The following ATG10 variants were observed in gnomAD, a reference collection of about 807,000 sequenced individuals.
ATG10 encodes autophagy related 10.
ATG10 carries 30 observed loss-of-function variants against 32.1 expected under a neutral mutation model. The observed-to-expected ratio is 0.94, with a 90% confidence interval of 0.70 to 1.27. The LOEUF is 1.27. ATG10 is among the 50% of genes most tolerant of loss of function. The pLI is 0.00. For synonymous variants in ATG10, 87 were observed against 91.5 expected, an observed-to-expected ratio of 0.95 and a Z score of 0.28; for missense variants, 233 against 262.3, an observed-to-expected ratio of 0.89 and a Z score of 0.77.
At chr5:82,127,555 C>G (rs1342249049) in intron 3 of ATG10, among the ~76,000 whole-genome samples, 2 of 152,134 alleles carry the variant, frequency 1.3e-5, no homozygotes, top group Non-Finnish European at 2.9e-5. Context: ...AGTGGTCATT[C>G]AGGAGCAGGT....
At chr5:82,092,008 A>G (rs919755425) in intron 3 of ATG10, among the ~76,000 whole-genome samples, 2 of 152,194 alleles carry the variant, frequency 1.3e-5, no homozygotes, top group African/African-American at 2.4e-5. Flanking sequence ...ACATAGAAGA[A>G]TATTTATAAT....
chr5:82,231,750 A>G (rs1268190617), intron 5 of ATG10, among the ~76,000 whole-genome samples: 1 of 152,206 alleles, frequency 6.6e-6, no homozygotes, highest in Non-Finnish European at 1.5e-5. Context: ...GCTTAATGAA[A>G]TCACTGGGAA....
At chr5:82,225,385 GA>G (rs1189229093) in intron 5 of ATG10, among the ~76,000 whole-genome samples, 1 of 152,180 alleles carries the variant, frequency 6.6e-6, no homozygotes, top group African/African-American at 2.4e-5. Flanking sequence ...AGTCAGTAGA[GA>G]AAATGAACCT....
At chr5:82,122,015 G>A (rs1766063826) in intron 3 of ATG10, among the ~76,000 whole-genome samples, 1 of 150,246 alleles carries the variant, frequency 6.7e-6, no homozygotes, top group African/African-American at 2.5e-5. Context: ...GAATGAGTTG[G>A]GAGAGGAGTC....
At chr5:82,192,539 G>A (rs1486764074) in intron 5 of ATG10, among the ~76,000 whole-genome samples, 2 of 152,108 alleles carry the variant, frequency 1.3e-5, no homozygotes, top group African/African-American at 2.4e-5. Context: ...CAGTGTGACC[G>A]AGGACAGTTA....
At chr5:82,225,596 G>C (rs1746096572) in intron 5 of ATG10, among the ~76,000 whole-genome samples, 1 of 152,222 alleles carries the variant, frequency 6.6e-6, no homozygotes, top group South Asian at 2.1e-4. Context: ...TTATGTGACA[G>C]AGAATGTGGT....
intron 2 of ATG10, among the ~76,000 whole-genome samples, chr5:81,995,213 C>T (rs1183083524): frequency 2.0e-5 from 3 of 152,324 alleles, no homozygotes; most frequent in South Asian, 2.1e-4. Context: ...TCACTGCAAC[C>T]TCCGGCTCCC....
intron 3 of ATG10, among the ~76,000 whole-genome samples, chr5:82,130,195 C>G: frequency 6.6e-6 from 1 of 152,160 alleles, no homozygotes. Context: ...CCCCTGTCCC[C>G]ATGAAACTCG....
intron 5 of ATG10, among the ~76,000 whole-genome samples, chr5:82,207,098 T>C (rs1047757557): frequency 1.3e-5 from 2 of 152,188 alleles, no homozygotes; most frequent in Non-Finnish European, 2.9e-5. Flanking sequence ...CTGCCCCAGG[T>C]TTTGACTGTG....
chr5:82,065,407 A>G (rs1046227307), intron 3 of ATG10, among the ~76,000 whole-genome samples: 1 of 151,792 alleles, frequency 6.6e-6, no homozygotes, highest in East Asian at 1.9e-4. Context: ...GCTTGAACCC[A>G]GGAGGCGGAG....
Position 82,254,922 on chromosome 5 carries a change from A to T in ATG10, c.*859A>T, listed in dbSNP as rs4703878. ...TGAGTGTGTGTGTGTGTGTGTGTGTATGTGTGGGTGTTTGTGTAGATAGTT... is the reference window on the plus strand; with the variant it reads ...TGAGTGTGTGTGTGTGTGTGTGTGTTTGTGTGGGTGTTTGTGTAGATAGTT... On this transcript the variant is annotated 3_prime_UTR_variant, in exon 8 of 8. Coordinates refer to ENST00000282185, the MANE Select transcript of ATG10 (RefSeq NM_031482.5). 4.1e-5 allele frequency: 6 copies of T among 148,100 alleles called. No homozygotes were observed. The highest frequency in any genetic ancestry group is 3.3e-4 in the Admixed American group (5 of 14,940). The allele number at this position is 148,100 out of a possible 1,614,324, so 9.2% of individuals were successfully genotyped here. A position where few individuals can be genotyped will look rare whatever the true frequency, so the allele number is the denominator to read the frequency against.
At chr5:82,005,771 T>C (rs1481784168) in intron 2 of ATG10, among the ~76,000 whole-genome samples, 1 of 152,208 alleles carries the variant, frequency 6.6e-6, no homozygotes. Context: ...TTCTCTCACT[T>C]TTGTATAGCA....
chr5:82,060,297 G>T (rs1763724493), intron 3 of ATG10, among the ~76,000 whole-genome samples: 1 of 151,992 alleles, frequency 6.6e-6, no homozygotes, highest in Non-Finnish European at 1.5e-5. Context: ...ATTTTGCTGT[G>T]CTTGCTTTAT....
intron 3 of ATG10, among the ~76,000 whole-genome samples, chr5:82,081,630 C>T (rs898868145): frequency 6.6e-6 from 1 of 152,080 alleles, no homozygotes; most frequent in African/African-American, 2.4e-5. Flanking sequence ...TGGTTTTTGT[C>T]TTTGGTTCTG....
chr5:82,120,465 C>G (rs568509122), intron 3 of ATG10, among the ~76,000 whole-genome samples: 1 of 152,170 alleles, frequency 6.6e-6, no homozygotes, highest in South Asian at 2.1e-4. Context: ...GTATTTAGGA[C>G]TAGTCAGGCA....
At chr5:82,203,628 T>TA (rs1173281349) in intron 5 of ATG10, among the ~76,000 whole-genome samples, 1 of 152,200 alleles carries the variant, frequency 6.6e-6, no homozygotes, top group African/African-American at 2.4e-5. Flanking sequence ...AATTCCACTC[T>TA]AGTTTTTGTC....
At chr5:82,187,366 C>T (rs1744490053) in intron 5 of ATG10, among the ~76,000 whole-genome samples, 1 of 151,292 alleles carries the variant, frequency 6.6e-6, no homozygotes, top group Non-Finnish European at 1.5e-5. Context: ...CAAAAATTAG[C>T]CAGGTGTGGT....
intron 5 of ATG10, among the ~76,000 whole-genome samples, chr5:82,209,505 G>T (rs573427014): frequency 1.3e-5 from 2 of 152,236 alleles, no homozygotes; most frequent in Admixed American, 1.3e-4. Flanking sequence ...ACCAGGATAC[G>T]AGCTCTTAAC....
chr5:82,121,749 T>G (rs575532868), intron 3 of ATG10, among the ~76,000 whole-genome samples: 9 of 152,276 alleles, frequency 5.9e-5, no homozygotes, highest in Non-Finnish European at 8.8e-5. Flanking sequence ...GTTCTGTTTA[T>G]GTGATGAATG....
Sources: allele counts gnomAD v4.1 joint callset (sites outside exome capture counted in the v4.1 genomes callset), GRCh38; gene constraint gnomAD v4.1.1; transcripts MANE v1.5; gene names NCBI Gene and HGNC (gene_info 2026-07-23, HGNC 2026-07-21).